SLC30A8: variants seen among roughly 807,000 people sequenced by gnomAD.
The protein encoded by SLC30A8 is solute carrier family 30 member 8, also known as proton-coupled zinc antiporter SLC30A8.
A neutral mutation model predicts 36.9 loss-of-function variants in SLC30A8; 27 were observed. The ratio of observed to expected loss-of-function variants is 0.73; its 90% CI spans 0.54 to 1.01. SLC30A8 has a LOEUF of 1.01. Among genes scored for constraint, SLC30A8 ranks in the 50% least tolerant of loss-of-function variants. SLC30A8 has a pLI of 0.00. For missense variants in SLC30A8, 439 were observed against 452.0 expected (o/e 0.97, Z 0.26); for synonymous variants, 164 against 172.4 (o/e 0.95, Z 0.38).
At chr8:117,026,460 T>G (rs1382437761) in intron 1 of SLC30A8, among the ~76,000 whole-genome samples, 1 of 151,774 alleles carries the variant, frequency 6.6e-6, no homozygotes, top group Non-Finnish European at 1.5e-5. Flanking sequence ...TGTGTAAGAG[T>G]TTTTAGATCA....
intron 2 of SLC30A8, among the ~76,000 whole-genome samples, chr8:117,046,895 C>T (rs1002993895): frequency 6.6e-6 from 1 of 152,172 alleles, no homozygotes; most frequent in Admixed American, 6.5e-5. Context: ...TATTAACTAT[C>T]TCAGCCTCTC....
chr8:117,117,509 A>G (rs1290023636), intron 2 of SLC30A8, among the ~76,000 whole-genome samples: 1 of 151,848 alleles, frequency 6.6e-6, no homozygotes, highest in Non-Finnish European at 1.5e-5. Context: ...AAAAAATTTT[A>G]GTCTTGTTAA....
chr8:116,958,846 T>TA (rs1814311232), intron 1 of SLC30A8, among the ~76,000 whole-genome samples: 1 of 123,714 alleles, frequency 8.1e-6, no homozygotes, highest in Admixed American at 8.1e-5. Flanking sequence ...TTTTCATTTT[T>TA]TTTTTTTTTT....
Position 117,172,696 on chromosome 8 carries a change from C to T in SLC30A8, c.*15C>T. On this transcript the variant is annotated 3_prime_UTR_variant, in exon 8 of 8. Transcript: ENST00000456015. ...CCTGTGACTAGCTCAGTCACACCGT[C>T]AGTTTCCCAAATTTGACAGGCCACC... The T allele has an allele frequency of 6.2e-7, 1 of 1,612,722 alleles. No homozygotes were observed.
intron 1 of SLC30A8, among the ~76,000 whole-genome samples, chr8:117,026,352 T>C (rs575740953): frequency 1.0e-3 from 155 of 152,294 alleles, no homozygotes; most frequent in Non-Finnish European, 1.7e-3. Context: ...GTTTTTTCTT[T>C]TAAGAAAGCA....
At chr8:117,014,657 A>G (rs890277835) in intron 1 of SLC30A8, among the ~76,000 whole-genome samples, 2 of 152,176 alleles carry the variant, frequency 1.3e-5, no homozygotes, top group Admixed American at 1.3e-4. Flanking sequence ...GTCTTATCTC[A>G]GTTCCTTTCT....
chr8:117,051,004 G>A (rs141675826), intron 2 of SLC30A8, among the ~76,000 whole-genome samples: 1 of 152,330 alleles, frequency 6.6e-6, no homozygotes, highest in African/African-American at 2.4e-5. Flanking sequence ...ACTTGTGGTG[G>A]ATGAAAGGTT....
chr8:117,057,512 G>A (rs981401197), intron 2 of SLC30A8, among the ~76,000 whole-genome samples: 1 of 151,994 alleles, frequency 6.6e-6, no homozygotes, highest in South Asian at 2.1e-4. Context: ...CATACCCTTT[G>A]ATCAACATTT....
chr8:116,950,798 G>T (rs144449770), upstream of SLC30A8, among the ~76,000 whole-genome samples: 5 of 152,306 alleles, frequency 3.3e-5, no homozygotes, highest in South Asian at 4.1e-4. Context: ...AAATCCACCA[G>T]TATTTTACTG....
chr8:117,171,975 T>C (rs1823408082), intron 7 of SLC30A8, among the ~76,000 whole-genome samples: 2 of 152,216 alleles, frequency 1.3e-5, no homozygotes, highest in Admixed American at 1.3e-4. Flanking sequence ...GCATTCACTA[T>C]GCCAATATTT....
intron 4 of SLC30A8, among the ~76,000 whole-genome samples, chr8:117,159,012 C>A (rs1328517160): frequency 2.0e-5 from 3 of 152,182 alleles, no homozygotes; most frequent in Non-Finnish European, 4.4e-5. Flanking sequence ...GACAGGAGAT[C>A]AGAGAGGAGA....
At chr8:117,155,866 T>C (rs1259370406) in intron 3 of SLC30A8, among the ~76,000 whole-genome samples, 1 of 152,142 alleles carries the variant, frequency 6.6e-6, no homozygotes, top group Non-Finnish European at 1.5e-5. Flanking sequence ...AGAGCTCTGC[T>C]TTCATGTTTA....
chr8:117,085,031 C>G (rs1231381804), intron 2 of SLC30A8, among the ~76,000 whole-genome samples: 1 of 151,890 alleles, frequency 6.6e-6, no homozygotes, highest in Non-Finnish European at 1.5e-5. Context: ...TGATGAGGTT[C>G]AAGGAATTGA....
At chr8:117,027,210 A>G (rs1816903711) in intron 1 of SLC30A8, among the ~76,000 whole-genome samples, 1 of 152,128 alleles carries the variant, frequency 6.6e-6, no homozygotes, top group Admixed American at 6.6e-5. Context: ...GAATACAGGG[A>G]GAAAAAGGAG....
intron 1 of SLC30A8, 27 bp from the exon 2 acceptor site, chr8:117,146,927 T>G (rs1821924748): frequency 1.2e-6 from 2 of 1,613,060 alleles, no homozygotes; most frequent in Non-Finnish European, 1.7e-6. Flanking sequence ...TATGTTCACT[T>G]CTTGCTTCTG....
rs535800793 is a variant in SLC30A8 at position 117,046,777 on chromosome 8, A to G, written c.-226+7519A>G. ...CCTCTTTCTATAGCTGTCTTTCTCA[A>G]TTTCCACTCTACGGATTTCCTGCCT... On this transcript the variant is annotated intron_variant, in intron 2 of 10. Coordinates refer to the SLC30A8 transcript ENST00000427715. Among the ~76,000 whole-genome samples, 5 of 152,234 alleles carry G rather than the reference A, an allele frequency of 3.3e-5. No individual in the cohort carries two copies. The East Asian group carries it at 9.6e-4, about 29-fold the overall frequency.
At chr8:117,008,589 T>A (rs779458416) in intron 1 of SLC30A8, among the ~76,000 whole-genome samples, 1 of 152,232 alleles carries the variant, frequency 6.6e-6, no homozygotes, top group Non-Finnish European at 1.5e-5. Context: ...GTATCTGCAA[T>A]CCAGAGTGGA....
At chr8:117,037,984 C>T (rs191134400) in intron 1 of SLC30A8, among the ~76,000 whole-genome samples, 44 of 152,258 alleles carry the variant, frequency 2.9e-4, no homozygotes, top group African/African-American at 1.0e-3. Flanking sequence ...TCAGACATTG[C>T]AGGTGAAGTT....
chr8:117,077,313 C>G (rs1032616352), intron 2 of SLC30A8, among the ~76,000 whole-genome samples: 6 of 152,176 alleles, frequency 3.9e-5, no homozygotes, highest in African/African-American at 7.2e-5. Context: ...TTTTGCACTT[C>G]AAGCTTCTGA....
Sources: gnomAD v4.1 joint callset for allele counts (sites outside exome capture counted in the v4.1 genomes callset) on GRCh38, gnomAD v4.1.1 for gene constraint, MANE v1.5 for transcripts, NCBI Gene and HGNC (gene_info 2026-07-23, HGNC 2026-07-21) for gene names.